MYRIP: variants seen among roughly 807,000 people sequenced by gnomAD.
MYRIP encodes the protein myosin VIIA and Rab interacting protein, also known as rab effector MyRIP.
A neutral mutation model predicts 98.0 loss-of-function variants in MYRIP; 49 were observed. The ratio of observed to expected loss-of-function variants is 0.50; its 90% CI spans 0.40 to 0.63. The LOEUF (loss-of-function observed/expected upper bound fraction) is 0.63. Among genes scored for constraint, MYRIP ranks in the 30% least tolerant of loss-of-function variants. The pLI is 0.00. For synonymous variants in MYRIP, 404 were observed against 409.5 expected, an observed-to-expected ratio of 0.99 and a Z score of 0.16; for missense variants, 1,004 against 1,058.2, an observed-to-expected ratio of 0.95 and a Z score of 0.71.
chr3:40,016,619 C>A (rs1946867610), intron 2 of MYRIP, among the ~76,000 whole-genome samples: 1 of 152,172 alleles, frequency 6.6e-6, no homozygotes, highest in Non-Finnish European at 1.5e-5. Flanking sequence ...CCTGGCCCAG[C>A]CCTGTTTTTC....
At chr3:39,848,369 T>C (rs948180712) in intron 1 of MYRIP, among the ~76,000 whole-genome samples, 4 of 152,256 alleles carry the variant, frequency 2.6e-5, no homozygotes, top group African/African-American at 9.6e-5. Flanking sequence ...ACTTCAATCA[T>C]TTATCAAAAT....
At chr3:39,973,698 C>T (rs1488875988) in intron 2 of MYRIP, among the ~76,000 whole-genome samples, 1 of 106,918 alleles carries the variant, frequency 9.4e-6, no homozygotes, top group Non-Finnish European at 1.8e-5. Context: ...TTATAACAAA[C>T]TATCTCAGAC....
chr3:40,045,050 T>A (rs549827681), intron 3 of MYRIP, among the ~76,000 whole-genome samples: 2 of 152,300 alleles, frequency 1.3e-5, no homozygotes, highest in Admixed American at 6.5e-5. Context: ...ATTTGCTGCA[T>A]GCTTCCAAAA....
intron 1 of MYRIP, among the ~76,000 whole-genome samples, chr3:39,889,697 A>C (rs1217945201): frequency 6.6e-6 from 1 of 152,074 alleles, no homozygotes; most frequent in Non-Finnish European, 1.5e-5. Context: ...AAAAAAAGAC[A>C]ATTTTTTCCT....
chr3:40,234,908 G>A (rs780776620), intron 12 of MYRIP, among the ~76,000 whole-genome samples: 10 of 150,416 alleles, frequency 6.6e-5, no homozygotes, highest in Non-Finnish European at 1.2e-4. Context: ...CCAGGAAATC[G>A]CTTGAACACA....
At chr3:40,164,359 C>A (rs1575589293) in intron 5 of MYRIP, among the ~76,000 whole-genome samples, 1 of 152,302 alleles carries the variant, frequency 6.6e-6, no homozygotes, top group East Asian at 1.9e-4. Context: ...TTTCAGGGGA[C>A]TGGCAAGCCC....
At chr3:40,230,703 C>G (rs1952626642) in intron 11 of MYRIP, among the ~76,000 whole-genome samples, 1 of 152,320 alleles carries the variant, frequency 6.6e-6, no homozygotes, top group South Asian at 2.1e-4. Context: ...TGATTCCCTA[C>G]AGGTGGGAAA....
chr3:40,098,251 G>A (rs1198625164), intron 3 of MYRIP, among the ~76,000 whole-genome samples: 10 of 152,140 alleles, frequency 6.6e-5, no homozygotes, highest in Admixed American at 5.9e-4. Context: ...TAAGAAGTAA[G>A]GCCATTGATT....
chr3:40,116,633 G>T (rs769696239), intron 3 of MYRIP, among the ~76,000 whole-genome samples: 1 of 152,188 alleles, frequency 6.6e-6, no homozygotes, highest in Non-Finnish European at 1.5e-5. Context: ...CTCAGGCTGG[G>T]AGGCACATTT....
At chr3:39,840,808 T>TA (rs1388337806) in intron 1 of MYRIP, among the ~76,000 whole-genome samples, 3 of 152,210 alleles carry the variant, frequency 2.0e-5, no homozygotes, top group Non-Finnish European at 4.4e-5. Flanking sequence ...TTGTGGCTTG[T>TA]AGGGTTTCTG....
At chr3:40,137,117 C>T (rs528589723) in intron 3 of MYRIP, among the ~76,000 whole-genome samples, 103 of 152,204 alleles carry the variant, frequency 6.8e-4, no homozygotes, top group African/African-American at 2.4e-3. Flanking sequence ...AAAAGATCAA[C>T]AAAATTGATA....
chr3:39,981,917 T>A (rs1163445223), intron 2 of MYRIP, among the ~76,000 whole-genome samples: 1 of 152,054 alleles, frequency 6.6e-6, no homozygotes, highest in African/African-American at 2.4e-5. Flanking sequence ...GTGAACTGAT[T>A]GGATTGGAGA....
At chr3:40,162,931 G>C in intron 5 of MYRIP, 121 bp downstream of exon 5, 1 of 826,646 alleles carries the variant, frequency 1.2e-6, no homozygotes, top group Non-Finnish European at 2.0e-6. Context: ...ATCTACTACT[G>C]TGTGTGAGTC....
At chr3:40,097,131 A>C (rs751789033) in intron 3 of MYRIP, among the ~76,000 whole-genome samples, 32 of 152,336 alleles carry the variant, frequency 2.1e-4, no homozygotes, top group Middle Eastern at 3.4e-3. Flanking sequence ...TAGGAAACTA[A>C]TTACTTTTCT....
At chr3:40,105,644 T>A (rs1949037682) in intron 3 of MYRIP, among the ~76,000 whole-genome samples, 1 of 152,000 alleles carries the variant, frequency 6.6e-6, no homozygotes, top group African/African-American at 2.4e-5. Context: ...CAAGATTGGG[T>A]AATTTATAAA....
chr3:39,866,855 A>G (rs947725816), intron 1 of MYRIP, among the ~76,000 whole-genome samples: 3 of 152,122 alleles, frequency 2.0e-5, no homozygotes, highest in Non-Finnish European at 2.9e-5. Context: ...AGCCACAAAA[A>G]CCTCCAAGTA....
At chr3:40,081,981 G>A (rs947976986) in intron 3 of MYRIP, among the ~76,000 whole-genome samples, 1 of 152,154 alleles carries the variant, frequency 6.6e-6, no homozygotes, top group African/African-American at 2.4e-5. Flanking sequence ...GGTCATCCAT[G>A]TTGTTGCAAA....
Position 40,190,561 on chromosome 3 carries a change from G to A in MYRIP, c.1665+98G>A, listed in dbSNP as rs149696281. On this transcript the variant is annotated intron_variant, in intron 10 of 16. Coordinates refer to ENST00000302541, the MANE Select transcript of MYRIP (RefSeq NM_015460.4). ...GCATAGAGTCCTGGGTTTGGAATCC[G>A]CAGACCCAGATTCTCATCTTGGTTT... 368 of 1,469,210 alleles carry A rather than the reference G, an allele frequency of 2.5e-4. 1 individual carries two copies. In the African/African-American group the frequency reaches 4.4e-3, roughly 17 times the overall value. 91.0% of individuals were successfully genotyped at this position (1,469,210 alleles called of 1,614,324 possible). A position where few individuals can be genotyped will look rare whatever the true frequency, so the allele number is the denominator to read the frequency against.
rs142853897 is a variant in MYRIP, at chr3:39,903,052, T to C, written c.110+2126T>C. Among the ~76,000 whole-genome samples the C allele has an allele frequency of 8.1e-3, 1,240 of 152,268 alleles. 15 individuals carry two copies. Among genetic ancestry groups the C allele is most frequent in the Middle Eastern group, 0.027 (8 of 294 alleles). On this transcript the variant is annotated intron_variant, in intron 2 of 16. Coordinates refer to ENST00000302541, the MANE Select transcript of MYRIP (RefSeq NM_015460.4). ...GCTCTTGTGGCACTGGAACTGGACA[T>C]TTTTTCTCTGAAGACAGTTGTTACT...
Sources: allele counts gnomAD v4.1 joint callset (sites outside exome capture counted in the v4.1 genomes callset), GRCh38; gene constraint gnomAD v4.1.1; transcripts MANE v1.5; gene names NCBI Gene and HGNC (gene_info 2026-07-23, HGNC 2026-07-21).